LRRC2: variants seen among roughly 807,000 people sequenced by gnomAD.
LRRC2 encodes the protein leucine rich repeat containing 2.
A neutral mutation model predicts 40.2 loss-of-function variants in LRRC2; 27 were observed. The observed-to-expected ratio is 0.67, with a 90% CI of 0.49 to 0.93. The LOEUF (loss-of-function observed/expected upper bound fraction) is 0.93. Ranked by LOEUF, LRRC2 falls within the 40% of genes least tolerant of loss-of-function variation. The pLI is 0.00. For synonymous variants in LRRC2, 147 were observed against 158.9 expected (o/e 0.92, Z 0.56); for missense variants, 402 against 439.6 (o/e 0.91, Z 0.76).
intron 8 of LRRC2, among the ~76,000 whole-genome samples, chr3:46,520,714 G>T (rs1703949551): frequency 6.6e-6 from 1 of 152,228 alleles, no homozygotes; most frequent in African/African-American, 2.4e-5. Flanking sequence ...CCCAGGGCCA[G>T]TGCGCTTCCT....
At chr3:46,522,991 A>T (rs915511830) in intron 7 of LRRC2, among the ~76,000 whole-genome samples, 1 of 152,162 alleles carries the variant, frequency 6.6e-6, no homozygotes, top group Admixed American at 6.5e-5. Context: ...TGGATTATAG[A>T]TGAGAGCTGT....
intron 1 of LRRC2, chr3:46,558,193 TC>T (rs2107055557): frequency 6.6e-6 from 1 of 152,372 alleles, no homozygotes; most frequent in East Asian, 1.9e-4. Context: ...GCAGGAAGCC[TC>T]TTCCTACTAC....
intron 5 of LRRC2, among the ~76,000 whole-genome samples, chr3:46,532,315 T>G (rs970812438): frequency 6.6e-6 from 1 of 152,126 alleles, no homozygotes; most frequent in African/African-American, 2.4e-5. Flanking sequence ...TAAAATGTTT[T>G]TAAAGAAGGG....
In LRRC2 at chr3:46,519,009, G is replaced by A. The variant is rs752978466; in HGVS notation, c.*5C>T. The A allele has an allele frequency of 5.7e-6, 9 of 1,586,416 alleles. No individual in the cohort carries two copies. Among genetic ancestry groups the A allele is most frequent in the Non-Finnish European group, 7.8e-6 (9 of 1,155,100 alleles). ...ATAGTGAGATTTGCAGTCTTCTGATGGATATCAAAGTTGAAGGCTAAAAGA... is the reference window on the plus strand; with the variant it reads ...ATAGTGAGATTTGCAGTCTTCTGATAGATATCAAAGTTGAAGGCTAAAAGA... On this transcript the variant is annotated 3_prime_UTR_variant, in exon 9 of 9. Coordinates refer to ENST00000395905, the MANE Select transcript of LRRC2 (RefSeq NM_024512.5).
intron 5 of LRRC2, among the ~76,000 whole-genome samples, chr3:46,531,076 T>A (rs756985384): frequency 2.6e-5 from 4 of 151,678 alleles, no homozygotes; most frequent in Non-Finnish European, 5.9e-5. Context: ...TATATGCAAC[T>A]AACAACGTAA....
At chr3:46,552,575 T>C (rs1704684691) in intron 1 of LRRC2, among the ~76,000 whole-genome samples, 1 of 152,164 alleles carries the variant, frequency 6.6e-6, no homozygotes, top group Admixed American at 6.5e-5. Flanking sequence ...GCCTTTTCCA[T>C]CCTCCTCCTG....
rs1253201339 is a variant in LRRC2, at chr3:46,539,220, C to T, written c.334-19G>A. On this transcript the variant is annotated intron_variant, in intron 3 of 8. Coordinates refer to ENST00000395905, the MANE Select transcript of LRRC2 (RefSeq NM_024512.5). Reference sequence around the variant, plus strand: ...GGAGCTCCTAAAATAGAAAGAATGACATCAATCAGAACTAGCTCCTCCGTG... The same window carrying T: ...GGAGCTCCTAAAATAGAAAGAATGATATCAATCAGAACTAGCTCCTCCGTG... 1 of 1,612,144 alleles carries T rather than the reference C, an allele frequency of 6.2e-7. No homozygotes were observed. Among genetic ancestry groups the T allele is most frequent in the Non-Finnish European group, 8.5e-7 (1 of 1,179,090 alleles).
chr3:46,565,414 C>A lies in LRRC2; in HGVS notation c.-20+763G>T, dbSNP rs371241006. Among the ~76,000 whole-genome samples the A allele has an allele frequency of 6.0e-4, 91 of 151,572 alleles. 1 individual carries two copies. In the South Asian group the frequency reaches 0.018, roughly 29 times the overall value. ...GACAGTACCTGGCACCTAGCAAGAT[C>A]AAAAAAAAGTTCAATCATTTAAAGA... On this transcript the variant is annotated intron_variant, in intron 1 of 8. Coordinates refer to ENST00000395905, the MANE Select transcript of LRRC2 (RefSeq NM_024512.5).
At chr3:46,533,950 G>GT (rs1272245682) in intron 4 of LRRC2, among the ~76,000 whole-genome samples, 1 of 140,626 alleles carries the variant, frequency 7.1e-6, no homozygotes, top group Non-Finnish European at 1.5e-5. Flanking sequence ...TGGGATACAT[G>GT]TGCAGAACAT....
At chr3:46,545,378 C>T in intron 2 of LRRC2, 125 bp from the exon 3 acceptor site, 1 of 761,150 alleles carries the variant, frequency 1.3e-6, no homozygotes, top group South Asian at 1.8e-5. Flanking sequence ...GTAAGCACTC[C>T]CTTCCTCTTT....
At chr3:46,534,448 C>G (rs868601825) in intron 4 of LRRC2, among the ~76,000 whole-genome samples, 15 of 133,978 alleles carry the variant, frequency 1.1e-4, no homozygotes, top group Non-Finnish European at 1.8e-4. Context: ...TTCTTTCTTT[C>G]TTTCTTTCTT....
At position 46,542,728 on chromosome 3, in the gene LRRC2, A is replaced by C. The variant is rs186935391; in HGVS notation, c.333+2318T>G. 3.9e-5 allele frequency among the ~76,000 whole-genome samples: 6 copies of C among 152,206 alleles called. No individual in the cohort carries two copies. The East Asian group carries it at 1.2e-3, about 29-fold the overall frequency. On this transcript the variant is annotated intron_variant, in intron 3 of 8. Coordinates refer to ENST00000395905, the MANE Select transcript of LRRC2 (RefSeq NM_024512.5). ...AATTAAACATGTGGTAGTAAAAATG[A>C]AAAATTCTATTGCAGGGTTGGAAAA...
intron 1 of LRRC2, among the ~76,000 whole-genome samples, chr3:46,565,727 G>T (rs1256259309): frequency 6.6e-6 from 1 of 152,204 alleles, no homozygotes; most frequent in Non-Finnish European, 1.5e-5. Flanking sequence ...GCCAGGGGGC[G>T]TGAGACGCTG....
rs137890598 is a variant in LRRC2 at position 46,517,081 on chromosome 3, C to T, written c.*1933G>A. The T allele has an allele frequency of 6.2e-4, 94 of 152,262 alleles. 1 individual carries two copies. Among genetic ancestry groups the T allele is most frequent in the African/African-American group, 2.1e-3 (87 of 41,538 alleles). The allele number at this position is 152,262 out of a possible 1,614,324, so 9.4% of individuals were successfully genotyped here. ...TAATTGAATTGAAAGATGGGTTCTTCAATCACATCAGTCATTGTTCAAGTG... is the reference window on the plus strand; with the variant it reads ...TAATTGAATTGAAAGATGGGTTCTTTAATCACATCAGTCATTGTTCAAGTG... On this transcript the variant is annotated 3_prime_UTR_variant, in exon 9 of 9. Transcript: ENST00000395905.
rs1425834734 is a variant in LRRC2 at position 46,515,948 on chromosome 3, CTCTCTTTTTTTTTTTTTT to C, written c.*3048_*3065del. The C allele has an allele frequency of 2.3e-5, 3 of 131,640 alleles. No individual in the cohort carries two copies. The Admixed American group carries it at 2.4e-4, about 11-fold the overall frequency. 8.2% of individuals were successfully genotyped at this position (131,640 alleles called of 1,614,324 possible). A position where few individuals can be genotyped will look rare whatever the true frequency, so the allele number is the denominator to read the frequency against. ...TCATTTTCCTACTCTTTTCATCTCT[CTCTCTTTTTTTTTTTTTT>C]TTTTTTTTTTTGAGATGGAGTCTCA... On this transcript the variant is annotated 3_prime_UTR_variant, in exon 9 of 9. Transcript: ENST00000395905.
In LRRC2 at chr3:46,527,322, C is replaced by T. The variant is rs545491376; in HGVS notation, c.929+104G>A. On this transcript the variant is annotated intron_variant, in intron 7 of 8. Transcript: ENST00000395905. The stretch of plus-strand genomic sequence containing the variant: ...GAGTTGGGATCAGGTTCTCAGAGTA[C>T]GAGAGCCATCTAATCCGGGTCTTGA... 195 of 1,204,106 alleles carry T rather than the reference C, an allele frequency of 1.6e-4. 2 individuals are homozygous for T. The Middle Eastern group carries it at 2.5e-3, about 16-fold the overall frequency. 74.6% of individuals were successfully genotyped at this position (1,204,106 alleles called of 1,614,324 possible).
intron 4 of LRRC2, 79 bp downstream of exon 4, chr3:46,538,966 T>C (rs1011448230): frequency 1.4e-6 from 2 of 1,446,932 alleles, no homozygotes; most frequent in Non-Finnish European, 1.9e-6. Flanking sequence ...ACACGGTGTC[T>C]GCACAGTGTC....
chr3:46,535,233 C>A (rs7636837), intron 4 of LRRC2, among the ~76,000 whole-genome samples: 151,706 of 152,338 alleles, frequency 1, 75,545 homozygotes, highest in Middle Eastern at 1. Flanking sequence ...TCTTTTCTTA[C>A]GATTTCCTAT....
chr3:46,535,015 T>C (rs964995331), intron 4 of LRRC2, among the ~76,000 whole-genome samples: 5 of 152,342 alleles, frequency 3.3e-5, no homozygotes, highest in African/African-American at 1.2e-4. Context: ...CCTGAACTAA[T>C]ATATTTTCAT....
Sources: allele counts gnomAD v4.1 joint callset (sites outside exome capture counted in the v4.1 genomes callset), GRCh38; gene constraint gnomAD v4.1.1; transcripts MANE v1.5; gene names NCBI Gene and HGNC (gene_info 2026-07-23, HGNC 2026-07-21).